The following ACYP2 variants were observed in gnomAD, a reference collection of about 807,000 sequenced individuals.
ACYP2 encodes acylphosphatase 2, also known as acylphosphatase-2.
In ACYP2, 12 loss-of-function variants were observed where a neutral mutation model predicts 11.2. That is an observed-to-expected ratio of 1.08 (90% CI 0.69 to 1.74). The LOEUF is 1.74. Among genes scored for constraint, ACYP2 ranks in the 40% most tolerant of loss-of-function variants. The probability of loss-of-function intolerance (pLI) is 0.00; values close to 1 mark genes in which losing one functional copy is unlikely to be tolerated. For synonymous variants in ACYP2, 43 were observed against 32.2 expected (o/e 1.33, Z -1.13); for missense variants, 134 against 101.9 (o/e 1.31, Z -1.35).
chr2:54,068,937 T>G (rs1214216530), intron 4 of ACYP2, among the ~76,000 whole-genome samples: 1 of 152,118 alleles, frequency 6.6e-6, no homozygotes, highest in African/African-American at 2.4e-5. Flanking sequence ...TTATTTAACT[T>G]TATTTTTAAG....
intron 6 of ACYP2, among the ~76,000 whole-genome samples, chr2:54,182,103 A>G (rs557823050): frequency 8.8e-6 from 1 of 113,174 alleles, no homozygotes; most frequent in Non-Finnish European, 1.7e-5. Flanking sequence ...TTTTTCACCC[A>G]GGCTGGAGTA....
At chr2:54,163,243 T>C (rs1682804749) in intron 6 of ACYP2, among the ~76,000 whole-genome samples, 1 of 152,200 alleles carries the variant, frequency 6.6e-6, no homozygotes. Context: ...CTGTGATTTA[T>C]GTGTATATGC....
In ACYP2 at chr2:54,275,369, A is replaced by G. The variant is rs181616156; in HGVS notation, c.405-29319A>G. ...ACTATCTTCTTCCCAACCACAGGAA[A>G]CTGAGGATTGGCTACTGACTATTTG... is the stretch of plus-strand genomic sequence containing the variant. On this transcript the variant is annotated intron_variant, in intron 6 of 6. Coordinates refer to ENST00000607452, the MANE Select transcript of ACYP2 (RefSeq NM_001320586.2). 2.2e-3 allele frequency among the ~76,000 whole-genome samples: 338 copies of G among 152,316 alleles called. 1 individual carries two copies. The highest frequency in any genetic ancestry group is 7.7e-3 in the African/African-American group (319 of 41,578).
Position 54,166,283 on chromosome 2 carries a change from A to T in ACYP2, c.404+27535A>T, listed in dbSNP as rs1682971892. On this transcript the variant is annotated intron_variant, in intron 6 of 6. Transcript: ENST00000607452. The stretch of plus-strand genomic sequence containing the variant: ...GGGCAAGCATTTATTCATTCCACAA[A>T]TATTATAAAGTATCTGCTATATGTC... Among the ~76,000 whole-genome samples, 4 of 152,166 alleles carry T rather than the reference A, an allele frequency of 2.6e-5. No individual in the cohort carries two copies. In the South Asian group the frequency reaches 6.2e-4, roughly 24 times the overall value.
intron 6 of ACYP2, among the ~76,000 whole-genome samples, chr2:54,278,609 A>T (rs187166286): frequency 1.6e-3 from 243 of 152,280 alleles, no homozygotes; most frequent in African/African-American, 5.7e-3. Context: ...AAAAGTAGAG[A>T]ATTGTTGGCT....
At chr2:54,209,916 G>A (rs940429759) in intron 6 of ACYP2, among the ~76,000 whole-genome samples, 3 of 152,002 alleles carry the variant, frequency 2.0e-5, no homozygotes, top group South Asian at 2.1e-4. Flanking sequence ...TGAGGCTGGC[G>A]GATCGCTTGA....
intron 6 of ACYP2, among the ~76,000 whole-genome samples, chr2:54,243,406 A>G (rs1029506501): frequency 1.3e-5 from 2 of 152,254 alleles, no homozygotes; most frequent in Non-Finnish European, 2.9e-5. Context: ...GTACCTAAAC[A>G]TAGAAAAGGC....
At chr2:54,089,265 T>C (rs1678099181) in intron 4 of ACYP2, among the ~76,000 whole-genome samples, 1 of 152,178 alleles carries the variant, frequency 6.6e-6, no homozygotes, top group South Asian at 2.1e-4. Flanking sequence ...TGAATCAATG[T>C]GTTAACTTGC....
chr2:54,246,597 T>G lies in ACYP2; in HGVS notation c.405-58091T>G, dbSNP rs76734203. 3.3e-5 allele frequency among the ~76,000 whole-genome samples: 5 copies of G among 152,280 alleles called. No homozygotes were observed. In the East Asian group the frequency reaches 9.6e-4, roughly 29 times the overall value. On this transcript the variant is annotated intron_variant, in intron 6 of 6. Coordinates refer to ENST00000607452, the MANE Select transcript of ACYP2 (RefSeq NM_001320586.2). ...TATCGTGCTGCCTAAGTTTTCTTGT[T>G]TACTTTTTCAATTGAATGTCATAGG...
chr2:54,007,347 G>A (rs1353042096), intron 2 of ACYP2, among the ~76,000 whole-genome samples: 6 of 148,882 alleles, frequency 4.0e-5, no homozygotes, highest in Non-Finnish European at 7.4e-5. Flanking sequence ...TCTGCCTCCC[G>A]GGTCCAAGTG....
chr2:54,294,015 T>C (rs918235992), intron 6 of ACYP2, among the ~76,000 whole-genome samples: 1 of 152,244 alleles, frequency 6.6e-6, no homozygotes, highest in African/African-American at 2.4e-5. Context: ...TTTTCCAACA[T>C]GCATCACATT....
chr2:54,160,775 G>A (rs1469976630), intron 6 of ACYP2, among the ~76,000 whole-genome samples: 6 of 152,168 alleles, frequency 3.9e-5, no homozygotes, highest in African/African-American at 9.7e-5. Flanking sequence ...ATGGGGAGTC[G>A]TTGAAAAGTT....
At chr2:54,238,836 T>G (rs1686611379) in intron 6 of ACYP2, among the ~76,000 whole-genome samples, 1 of 151,796 alleles carries the variant, frequency 6.6e-6, no homozygotes, top group South Asian at 2.1e-4. Context: ...TTATGAGTGC[T>G]TATAAGTACA....
At chr2:54,039,414 C>G (rs1170765400) in intron 2 of ACYP2, among the ~76,000 whole-genome samples, 1 of 151,958 alleles carries the variant, frequency 6.6e-6, no homozygotes, top group Non-Finnish European at 1.5e-5. Flanking sequence ...GCCTCAGCCT[C>G]CCTAGTAGCT....
In ACYP2 at chr2:54,134,664, C is replaced by G. The variant is rs143027514; in HGVS notation, c.278-789C>G. Among the ~76,000 whole-genome samples, 521 of 152,256 alleles carry G rather than the reference C, an allele frequency of 3.4e-3. 6 individuals are homozygous for G. The highest frequency in any genetic ancestry group is 0.012 in the African/African-American group (498 of 41,550). The stretch of plus-strand genomic sequence containing the variant: ...TTTTCTCTTTTCATTTTAAAAGAAA[C>G]TAATTTTCAAAAACACTTTCTAAAT... On this transcript the variant is annotated intron_variant, in intron 4 of 6. Transcript: ENST00000607452.
At chr2:54,192,149 C>T (rs1050734161) in intron 6 of ACYP2, among the ~76,000 whole-genome samples, 2 of 152,078 alleles carry the variant, frequency 1.3e-5, no homozygotes, top group Non-Finnish European at 2.9e-5. Flanking sequence ...ACACAGAAGA[C>T]GTGTATATAT....
chr2:53,989,960 T>C (rs1441892233), intron 2 of ACYP2, among the ~76,000 whole-genome samples: 3 of 148,106 alleles, frequency 2.0e-5, no homozygotes, highest in Non-Finnish European at 4.5e-5. Context: ...GTGAGTTACA[T>C]AAACCCTTTT....
chr2:54,061,603 A>C (rs1189837541), intron 4 of ACYP2, among the ~76,000 whole-genome samples: 4 of 152,220 alleles, frequency 2.6e-5, no homozygotes, highest in African/African-American at 9.6e-5. Flanking sequence ...AAAGGGTTTT[A>C]ATGGGAGCCT....
intron 4 of ACYP2, among the ~76,000 whole-genome samples, chr2:54,128,661 C>T (rs916750936): frequency 6.6e-6 from 1 of 152,004 alleles, no homozygotes; most frequent in Non-Finnish European, 1.5e-5. Context: ...AGTGAGACCC[C>T]ATCTCTTTAA....
Sources: gnomAD v4.1 joint callset for allele counts (sites outside exome capture counted in the v4.1 genomes callset) on GRCh38, gnomAD v4.1.1 for gene constraint, MANE v1.5 for transcripts, NCBI Gene and HGNC (gene_info 2026-07-23, HGNC 2026-07-21) for gene names.